The following SPIRE1 variants were observed in gnomAD, a reference collection of about 807,000 sequenced individuals.
SPIRE1 encodes spire type actin nucleation factor 1, also known as protein spire homolog 1.
A neutral mutation model predicts 94.1 loss-of-function variants in SPIRE1; 40 were observed. The observed-to-expected ratio is 0.43, with a 90% confidence interval of 0.33 to 0.55. SPIRE1 has a LOEUF of 0.55. Among genes scored for constraint, SPIRE1 ranks in the 20% least tolerant of loss-of-function variants. The probability of loss-of-function intolerance (pLI) is 0.06; values close to 1 mark genes in which losing one functional copy is unlikely to be tolerated. For synonymous variants in SPIRE1, 376 were observed against 371.7 expected (o/e 1.01, Z -0.13); for missense variants, 838 against 975.2 (o/e 0.86, Z 1.87).
intron 2 of SPIRE1, among the ~76,000 whole-genome samples, chr18:12,629,891 A>C (rs2037729153): frequency 1.3e-5 from 2 of 152,230 alleles, no homozygotes; most frequent in Non-Finnish European, 2.9e-5. Context: ...GCTGGAAAAT[A>C]CTTAGTATAA....
chr18:12,633,339 C>T (rs976305786), intron 2 of SPIRE1, among the ~76,000 whole-genome samples: 17 of 152,010 alleles, frequency 1.1e-4, no homozygotes, highest in East Asian at 3.9e-4. Context: ...CAGTGGCTCA[C>T]GCCTGTAATG....
chr18:12,637,778 G>GT (rs1368788230), intron 1 of SPIRE1, among the ~76,000 whole-genome samples: 6 of 152,208 alleles, frequency 3.9e-5, no homozygotes, highest in South Asian at 4.1e-4. Flanking sequence ...AAATTACAAG[G>GT]TAAGTCAGGA....
intron 2 of SPIRE1, among the ~76,000 whole-genome samples, chr18:12,598,602 A>G (rs2036745373): frequency 6.6e-6 from 1 of 152,184 alleles, no homozygotes; most frequent in Non-Finnish European, 1.5e-5. Flanking sequence ...TACCTTTGAT[A>G]TCACTTAAAA....
In SPIRE1 at chr18:12,657,874, G is replaced by C; in HGVS notation, c.-8C>G. 9.4e-7 allele frequency: 1 copy of C among 1,060,804 alleles called. No homozygotes were observed. Among genetic ancestry groups the C allele is most frequent in the Non-Finnish European group, 1.1e-6 (1 of 882,164 alleles). 65.7% of individuals were successfully genotyped at this position (1,060,804 alleles called of 1,614,324 possible). On this transcript the variant is annotated 5_prime_UTR_variant, in exon 1 of 17. Transcript: ENST00000409402. Reference sequence around the variant, plus strand: ...GCCAGCCGCCTGAGCCATCCCGCGGGTGGGCGCTGCGCTCGGCAGTCGCGC... The same window carrying C: ...GCCAGCCGCCTGAGCCATCCCGCGGCTGGGCGCTGCGCTCGGCAGTCGCGC...
intron 2 of SPIRE1, among the ~76,000 whole-genome samples, chr18:12,626,908 G>A (rs1409355534): frequency 1.8e-5 from 2 of 113,042 alleles, no homozygotes; most frequent in Non-Finnish European, 3.8e-5. Context: ...TTTTTGCCCA[G>A]AGGATGATCA....
At chr18:12,465,080 A>G (rs1307500805) in intron 10 of SPIRE1, 122 bp from the exon 11 acceptor site, 1 of 818,040 alleles carries the variant, frequency 1.2e-6, no homozygotes, top group Admixed American at 2.4e-5. Context: ...CAAAGGTTCA[A>G]GGCAAGCAAA....
In SPIRE1 at chr18:12,449,262, A is replaced by T. The variant is rs1180441558; in HGVS notation, c.*376T>A. 3 of 239,898 alleles carry T rather than the reference A, an allele frequency of 1.3e-5. No homozygotes were observed. Among genetic ancestry groups the T allele is most frequent in the Non-Finnish European group, 2.4e-5 (3 of 122,458 alleles). 14.9% of individuals were successfully genotyped at this position (239,898 alleles called of 1,614,324 possible). A position where few individuals can be genotyped will look rare whatever the true frequency, so the allele number is the denominator to read the frequency against. ...TGACTTACTGCTTAGGGCTGTGCTG[A>T]CATCGGCATCTCTGTTAGACTGATT... On this transcript the variant is annotated 3_prime_UTR_variant, in exon 17 of 17. Coordinates refer to ENST00000409402, the MANE Select transcript of SPIRE1 (RefSeq NM_001128626.2).
At chr18:12,561,771 A>G (rs540958574) in intron 2 of SPIRE1, among the ~76,000 whole-genome samples, 152 of 152,332 alleles carry the variant, frequency 1.0e-3, no homozygotes, top group African/African-American at 3.5e-3. Flanking sequence ...GAATCCTATA[A>G]TCAACACATT....
chr18:12,611,858 GAGA>G (rs1193773926), intron 2 of SPIRE1, among the ~76,000 whole-genome samples: 3 of 149,550 alleles, frequency 2.0e-5, no homozygotes, highest in Non-Finnish European at 4.4e-5. Flanking sequence ...TATTTTAGTA[GAGA>G]AGAAGTCTCA....
chr18:12,510,313 A>G lies in SPIRE1; in HGVS notation c.807+2141T>C, dbSNP rs577691180. 5.5e-4 allele frequency among the ~76,000 whole-genome samples: 84 copies of G among 152,208 alleles called. 1 individual carries two copies. The highest frequency in any genetic ancestry group is 2.0e-3 in the African/African-American group (83 of 41,538). On this transcript the variant is annotated intron_variant, in intron 5 of 16. Transcript: ENST00000409402. ...GTGATGGTTTCATGGCTGAATATAT[A>G]TATGTACAAAATATATGTCAAAATT...
intron 9 of SPIRE1, among the ~76,000 whole-genome samples, chr18:12,485,395 G>A (rs1353344338): frequency 1.3e-5 from 2 of 152,066 alleles, no homozygotes; most frequent in African/African-American, 2.4e-5. Context: ...GTGAGCCACC[G>A]CGCCCGGCCT....
chr18:12,603,031 T>C (rs147285567), intron 2 of SPIRE1, among the ~76,000 whole-genome samples: 56 of 152,294 alleles, frequency 3.7e-4, no homozygotes, highest in African/African-American at 1.3e-3. Flanking sequence ...AAAATGCATC[T>C]AATACACATA....
chr18:12,526,109 C>A (rs1472658525), intron 4 of SPIRE1, among the ~76,000 whole-genome samples: 1 of 51,232 alleles, frequency 2.0e-5, no homozygotes, highest in Non-Finnish European at 4.8e-5. Context: ...GTATCTGATG[C>A]CTGCAGAAAG....
At chr18:12,577,080 C>T (rs1208648372) in intron 2 of SPIRE1, among the ~76,000 whole-genome samples, 1 of 152,092 alleles carries the variant, frequency 6.6e-6, no homozygotes, top group Non-Finnish European at 1.5e-5. Flanking sequence ...GCTGAAACAA[C>T]TGGGTATCTA....
At chr18:12,647,311 A>C (rs2038253844) in intron 1 of SPIRE1, among the ~76,000 whole-genome samples, 2 of 152,204 alleles carry the variant, frequency 1.3e-5, no homozygotes. Flanking sequence ...ATATTCAACA[A>C]AAATGCTACA....
At chr18:12,603,057 T>C (rs2036881436) in intron 2 of SPIRE1, among the ~76,000 whole-genome samples, 1 of 152,210 alleles carries the variant, frequency 6.6e-6, no homozygotes, top group African/African-American at 2.4e-5. Flanking sequence ...CAAAACATCA[T>C]AGCTTAGCCT....
chr18:12,627,113 G>A (rs1483076492), intron 2 of SPIRE1, among the ~76,000 whole-genome samples: 1 of 151,826 alleles, frequency 6.6e-6, no homozygotes, highest in Non-Finnish European at 1.5e-5. Flanking sequence ...TAGGGTACAT[G>A]CGCACAATGT....
At chr18:12,578,880 GTTTTGACTTTT>G (rs1321704419) in intron 2 of SPIRE1, among the ~76,000 whole-genome samples, 1 of 152,132 alleles carries the variant, frequency 6.6e-6, no homozygotes, top group African/African-American at 2.4e-5. Flanking sequence ...AACCACAGAA[GTTTTGACTTTT>G]TTTCTATAAG....
At chr18:12,638,678 G>A (rs2038002895) in intron 1 of SPIRE1, among the ~76,000 whole-genome samples, 1 of 152,144 alleles carries the variant, frequency 6.6e-6, no homozygotes, top group Non-Finnish European at 1.5e-5. Context: ...TGTTAGAGGT[G>A]GGGCCTGGTG....
Sources: allele counts gnomAD v4.1 joint callset (sites outside exome capture counted in the v4.1 genomes callset), GRCh38; gene constraint gnomAD v4.1.1; transcripts MANE v1.5; gene names NCBI Gene and HGNC (gene_info 2026-07-23, HGNC 2026-07-21).